The following SUPT3H variants were observed in gnomAD, a reference collection of about 807,000 sequenced individuals.
SUPT3H encodes the protein SPT3 homolog, SAGA and STAGA complex component, also known as transcription initiation protein SPT3 homolog.
Under a neutral mutation model 44.3 loss-of-function variants are expected in SUPT3H, and 44 were observed. The observed-to-expected ratio is 0.99, with a 90% CI of 0.78 to 1.28. SUPT3H has a LOEUF of 1.28. Ranked by LOEUF, SUPT3H falls within the 50% of genes most tolerant of loss-of-function variation. The pLI is 0.00. For synonymous variants in SUPT3H, 124 were observed against 125.6 expected (o/e 0.99, Z 0.09); for missense variants, 380 against 387.1 (o/e 0.98, Z 0.15).
chr6:45,135,267 G>A (rs559302925), intron 2 of SUPT3H, among the ~76,000 whole-genome samples: 89 of 152,038 alleles, frequency 5.9e-4, no homozygotes, highest in Non-Finnish European at 9.3e-4. Context: ...TTGTTTTAAC[G>A]AATAGTAACT....
At chr6:45,152,220 A>G (rs1410158852) in intron 2 of SUPT3H, among the ~76,000 whole-genome samples, 2 of 152,136 alleles carry the variant, frequency 1.3e-5, no homozygotes, top group African/African-American at 2.4e-5. Context: ...TGGCACCACC[A>G]TTCCCAATTC....
In SUPT3H at chr6:45,321,869, T is replaced by C. The variant is rs536871046; in HGVS notation, c.101+43332A>G. On this transcript the variant is annotated intron_variant, in intron 2 of 10. Transcript: ENST00000371459. ...AAAACTGATTTTCCAATTATTTCTATAGAATCTGTTTTCCCTATGAAGCTA... is the reference window on the plus strand; with the variant it reads ...AAAACTGATTTTCCAATTATTTCTACAGAATCTGTTTTCCCTATGAAGCTA... The C allele has an allele frequency of 7.6e-6, 12 of 1,587,756 alleles. No individual in the cohort carries two copies. In the East Asian group the frequency reaches 1.8e-4, roughly 24 times the overall value.
chr6:44,975,183 A>AAACG (rs145580753), intron 6 of SUPT3H, among the ~76,000 whole-genome samples: 1 of 151,656 alleles, frequency 6.6e-6, no homozygotes, highest in Non-Finnish European at 1.5e-5. Flanking sequence ...ACAAACAAAC[A>AAACG]AACAAACAAA....
At chr6:44,959,245 A>G (rs1158431403) in intron 7 of SUPT3H, among the ~76,000 whole-genome samples, 1 of 152,208 alleles carries the variant, frequency 6.6e-6, no homozygotes, top group East Asian at 1.9e-4. Context: ...AAAAAAAGAT[A>G]GCAACTGAAA....
At chr6:45,036,090 C>G (rs13201942) in intron 3 of SUPT3H, among the ~76,000 whole-genome samples, 18,073 of 152,128 alleles carry the variant, frequency 0.12, 1,409 homozygotes, top group East Asian at 0.27. Flanking sequence ...ATGGTAGGGA[C>G]ACAGCATTGA....
chr6:45,267,217 A>G (rs886865521), intron 2 of SUPT3H, among the ~76,000 whole-genome samples: 1 of 152,186 alleles, frequency 6.6e-6, no homozygotes, highest in African/African-American at 2.4e-5. Context: ...CATGCCACAC[A>G]TATCTCCGAT....
At chr6:45,377,381 C>G (rs1224311351) in intron 1 of SUPT3H, 2 of 152,340 alleles carry the variant, frequency 1.3e-5, no homozygotes, top group African/African-American at 4.8e-5. Flanking sequence ...TAACTCTTCT[C>G]TCGCCGTGCC....
chr6:45,103,534 CT>C (rs1798877040), intron 3 of SUPT3H, among the ~76,000 whole-genome samples: 1 of 151,912 alleles, frequency 6.6e-6, no homozygotes, highest in Non-Finnish European at 1.5e-5. Context: ...GAAAAAAACA[CT>C]AGCACTGACT....
intron 2 of SUPT3H, among the ~76,000 whole-genome samples, chr6:45,171,623 T>C (rs1810775806): frequency 6.6e-6 from 1 of 151,976 alleles, no homozygotes. Flanking sequence ...ATTATGATCT[T>C]ATGTAATATC....
chr6:45,314,907 CCAAAA>C (rs1784470373), intron 2 of SUPT3H, among the ~76,000 whole-genome samples: 1 of 152,084 alleles, frequency 6.6e-6, no homozygotes, highest in African/African-American at 2.4e-5. Context: ...GCCATAGTCA[CCAAAA>C]CAGCATGGTA....
At chr6:45,227,390 C>G (rs533608684) in intron 2 of SUPT3H, among the ~76,000 whole-genome samples, 2 of 152,090 alleles carry the variant, frequency 1.3e-5, no homozygotes, top group Admixed American at 6.5e-5. Context: ...TGTGCTTATG[C>G]CTTCACAATT....
At chr6:44,816,274 G>A (rs183523540) in intron 11 of SUPT3H, among the ~76,000 whole-genome samples, 256 of 152,168 alleles carry the variant, frequency 1.7e-3, no homozygotes, top group African/African-American at 5.9e-3. Flanking sequence ...CCAATCTTAG[G>A]AATTAAAAAG....
At position 44,829,728 on chromosome 6, in the gene SUPT3H, G is replaced by A; in HGVS notation, c.*88C>T. ...GCCCACTCCCTCAGATAAAAGAAAG[G>A]TAAATTTGTATTTTATTTTGTTCAC... On this transcript the variant is annotated 3_prime_UTR_variant, in exon 11 of 11. Coordinates refer to ENST00000371459, the MANE Select transcript of SUPT3H (RefSeq NM_003599.4). The A allele has an allele frequency of 6.8e-7, 1 of 1,476,282 alleles. No individual in the cohort carries two copies. Among genetic ancestry groups the A allele is most frequent in the Non-Finnish European group, 9.4e-7 (1 of 1,067,092 alleles). The allele number at this position is 1,476,282 out of a possible 1,614,324, so 91.4% of individuals were successfully genotyped here. A position where few individuals can be genotyped will look rare whatever the true frequency, so the allele number is the denominator to read the frequency against.
At chr6:45,064,461 ATTAACT>A (rs1182146114) in intron 3 of SUPT3H, among the ~76,000 whole-genome samples, 1 of 134,164 alleles carries the variant, frequency 7.5e-6, no homozygotes, top group Non-Finnish European at 1.6e-5. Context: ...ACATAACAAT[ATTAACT>A]TTAAATGTAA....
rs552155967 is a variant in SUPT3H at position 45,178,281 on chromosome 6, A to G, written c.102-72275T>C. 2.6e-5 allele frequency among the ~76,000 whole-genome samples: 4 copies of G among 152,314 alleles called. No individual in the cohort carries two copies. In the South Asian group the frequency reaches 6.2e-4, roughly 24 times the overall value. ...AGGGGTTGCAATCCTAGTCTCTGAT[A>G]AAACAGACTTTAAACCAACAAAGAT... On this transcript the variant is annotated intron_variant, in intron 2 of 10. Transcript: ENST00000371459.
rs1797708579 is a variant in SUPT3H at position 45,095,776 on chromosome 6, A to G, written c.186+10146T>C. Among the ~76,000 whole-genome samples the G allele has an allele frequency of 6.6e-6, 1 of 152,188 alleles. No homozygotes were observed. Among genetic ancestry groups the G allele is most frequent in the Admixed American group, 6.5e-5 (1 of 15,286 alleles). ...CTTTTTGAACTTGAAAGAGATATTG[A>G]CAACATCATAACAACAACTCAAACA... On this transcript the variant is annotated intron_variant, in intron 3 of 10. Transcript: ENST00000371459. The surrounding 1 kb of genome is among the most constrained non-coding windows in gnomAD (Gnocchi z 4.1).
At chr6:44,883,480 C>T (rs111321986) in intron 10 of SUPT3H, among the ~76,000 whole-genome samples, 7,174 of 152,116 alleles carry the variant, frequency 0.047, 241 homozygotes, top group South Asian at 0.13. Flanking sequence ...TGATGCTGTC[C>T]CCAATCAAGC....
chr6:45,116,791 T>C (rs1237062270), intron 2 of SUPT3H, among the ~76,000 whole-genome samples: 2 of 152,086 alleles, frequency 1.3e-5, no homozygotes, highest in Non-Finnish European at 2.9e-5. Flanking sequence ...TTTTAGTAAA[T>C]TTACAGGGTT....
chr6:45,248,225 G>GA (rs59654941), intron 2 of SUPT3H, among the ~76,000 whole-genome samples: 41,051 of 151,776 alleles, frequency 0.27, 6,426 homozygotes, highest in Non-Finnish European at 0.37. Flanking sequence ...ATATATAAAA[G>GA]AAAAAATGAC....
Sources: allele counts gnomAD v4.1 joint callset (sites outside exome capture counted in the v4.1 genomes callset), GRCh38; gene constraint gnomAD v4.1.1; non-coding constraint Gnocchi (gnomAD v3.1); transcripts MANE v1.5; gene names NCBI Gene and HGNC (gene_info 2026-07-23, HGNC 2026-07-21).